AFF4: variants seen among roughly 807,000 people sequenced by gnomAD.
AFF4 encodes AF4/FMR2 family member 4.
In AFF4, 13 loss-of-function variants were observed where a neutral mutation model predicts 124.8. That is an observed-to-expected ratio of 0.10 (90% CI 0.07 to 0.17). The LOEUF is 0.17. AFF4 is among the 10% of genes least tolerant of loss of function. The pLI is 1.00. For missense variants in AFF4, 1,092 were observed against 1,403.8 expected (o/e 0.78, Z 3.55); for synonymous variants, 477 against 496.1 (o/e 0.96, Z 0.51).
intron 13 of AFF4, among the ~76,000 whole-genome samples, chr5:132,891,653 G>A (rs1046832525): frequency 1.3e-5 from 2 of 152,078 alleles, no homozygotes; most frequent in African/African-American, 2.4e-5. Flanking sequence ...GTCACTTTAC[G>A]TAATATAACT....
intron 1 of AFF4, among the ~76,000 whole-genome samples, chr5:132,956,539 G>A (rs1761961184): frequency 6.6e-6 from 1 of 150,628 alleles, no homozygotes; most frequent in Admixed American, 6.6e-5. Flanking sequence ...GCTGAAGCAG[G>A]GAGAATCACT....
chr5:132,883,282 T>G, intron 20 of AFF4, 58 bp downstream of exon 20: 2 of 1,511,444 alleles, frequency 1.3e-6, no homozygotes, highest in Non-Finnish European at 1.8e-6. Flanking sequence ...CTTAACTAAA[T>G]TATAAAAGTT....
At chr5:132,943,694 T>C (rs954466970) in intron 1 of AFF4, 2 of 252,906 alleles carry the variant, frequency 7.9e-6, no homozygotes, top group Non-Finnish European at 1.7e-5. Context: ...ATCAAGAACG[T>C]ATCTGTCAAA....
Position 132,902,462 on chromosome 5 carries a change from T to G in AFF4, c.1113A>C (p.Ser371=). Residue 371 remains serine (S), a synonymous_variant, in exon 7 of 21, where the codon TCA becomes TCC. Coordinates refer to ENST00000265343, the MANE Select transcript of AFF4 (RefSeq NM_014423.4). ...CTTACGATTTAGACTGGTGCCCATTTGAAGTTTTAGAAGGATTATATCTTT... is the reference window on the plus strand; with the variant it reads ...CTTACGATTTAGACTGGTGCCCATTGGAAGTTTTAGAAGGATTATATCTTT... ...EQKRYNPSKT[S]NGHQSKSMLK... 1 of 1,609,482 alleles carries G rather than the reference T, an allele frequency of 6.2e-7. No homozygotes were observed. Among genetic ancestry groups the G allele is most frequent in the Non-Finnish European group, 8.5e-7 (1 of 1,175,960 alleles).
Position 132,880,184 on chromosome 5 carries a change from T to A in AFF4, c.*875A>T. 1 of 398,942 alleles carries A rather than the reference T, an allele frequency of 2.5e-6. No individual in the cohort carries two copies. The highest frequency in any genetic ancestry group is 4.4e-6 in the Non-Finnish European group (1 of 225,988). 24.7% of individuals were successfully genotyped at this position (398,942 alleles called of 1,614,324 possible). On this transcript the variant is annotated 3_prime_UTR_variant, in exon 21 of 21. Coordinates refer to ENST00000265343, the MANE Select transcript of AFF4 (RefSeq NM_014423.4). ...TATTCTGTTTCGATTAAGTGTCAAA[T>A]GATTAGCAACAAAAAATAACATATG...
chr5:132,881,005 G>A lies in AFF4; in HGVS notation c.*54C>T, dbSNP rs990466012. 13 of 1,572,864 alleles carry A rather than the reference G, an allele frequency of 8.3e-6. No homozygotes were observed. The highest frequency in any genetic ancestry group is 1.7e-4 in the Middle Eastern group (1 of 5,862). Reference sequence around the variant, plus strand: ...TGGTATGTTATGGCAGTTTTCCTTCGTGATGTGACACAGTGTTGTGGAGAA... The same window carrying A: ...TGGTATGTTATGGCAGTTTTCCTTCATGATGTGACACAGTGTTGTGGAGAA... On this transcript the variant is annotated 3_prime_UTR_variant, in exon 21 of 21. Transcript: ENST00000265343.
intron 4 of AFF4, among the ~76,000 whole-genome samples, chr5:132,929,802 AT>A (rs1761259705): frequency 6.6e-6 from 1 of 152,318 alleles, no homozygotes; most frequent in East Asian, 1.9e-4. Context: ...GGAAAAATTA[AT>A]TTATGAAGAC....
rs866640008 is a variant in AFF4, at chr5:132,875,969, C to G, written c.*5090G>C. ...GTGACATTATCTCCCCTCCAAAACCCTCCCCAAATATCAAACAATTATATA... is the reference window on the plus strand; with the variant it reads ...GTGACATTATCTCCCCTCCAAAACCGTCCCCAAATATCAAACAATTATATA... On this transcript the variant is annotated 3_prime_UTR_variant, in exon 21 of 21. Transcript: ENST00000265343. 8 of 226,564 alleles carry G rather than the reference C, an allele frequency of 3.5e-5. No individual in the cohort carries two copies. Among genetic ancestry groups the G allele is most frequent in the African/African-American group, 1.8e-4 (8 of 44,962 alleles). 14.0% of individuals were successfully genotyped at this position (226,564 alleles called of 1,614,324 possible).
At chr5:132,953,856 C>A (rs1034148379) in intron 1 of AFF4, among the ~76,000 whole-genome samples, 1 of 152,176 alleles carries the variant, frequency 6.6e-6, no homozygotes, top group African/African-American at 2.4e-5. Context: ...CTACTTCCCT[C>A]GGTCTCTCTT....
Position 132,934,676 on chromosome 5 carries a change from C to A in AFF4, c.389G>T (p.Gly130Val), listed in dbSNP as rs747817299. The change falls in exon 3 of 21, where the codon GGA (glycine) becomes GTA (valine). Residue 130 changes from glycine to valine, a missense_variant. Physicochemically the swap from Gly to Val is moderately radical, Grantham distance 109. Transcript: ENST00000265343. ...SQKRSSGLQSGHSSQRTSAGS... is the reference protein window; with the variant it reads ...SQKRSSGLQSVHSSQRTSAGS... ...TGCGCTGGTCCGCTGGCTACTATGT[C>A]CACTCTGTAAGCCTGAGGACCGTTT... The A allele has an allele frequency of 6.2e-7, 1 of 1,614,132 alleles. No homozygotes were observed. The highest frequency in any genetic ancestry group is 1.1e-5 in the South Asian group (1 of 91,088).
At position 132,963,507 on chromosome 5, in the gene AFF4, G is replaced by C; in HGVS notation, c.-253C>G. ...GCCCCGCACCGCTCCATGACGGTCG[G>C]GCCCGGGCTGGGACAGCTGACTGAG... On this transcript the variant is annotated 5_prime_UTR_variant, in exon 1 of 21. Transcript: ENST00000265343. 2.5e-6 allele frequency: 1 copy of C among 397,984 alleles called. No individual in the cohort carries two copies. Among genetic ancestry groups the C allele is most frequent in the Non-Finnish European group, 4.4e-6 (1 of 225,630 alleles). The allele number at this position is 397,984 out of a possible 1,614,324, so 24.7% of individuals were successfully genotyped here.
chr5:132,880,537 T>C lies in AFF4; in HGVS notation c.*522A>G, dbSNP rs146862909. 2.5e-6 allele frequency: 1 copy of C among 393,242 alleles called. No individual in the cohort carries two copies. The highest frequency in any genetic ancestry group is 2.1e-5 in the African/African-American group (1 of 48,616). The allele number at this position is 393,242 out of a possible 1,614,324, so 24.4% of individuals were successfully genotyped here. Reference sequence around the variant, plus strand: ...TTAAGATTTCAAATATCAGGTCAGGTAGCAGGTGTAGAAAGAATATGTCCT... The same window carrying C: ...TTAAGATTTCAAATATCAGGTCAGGCAGCAGGTGTAGAAAGAATATGTCCT... On this transcript the variant is annotated 3_prime_UTR_variant, in exon 21 of 21. Transcript: ENST00000265343.
At position 132,875,581 on chromosome 5, in the gene AFF4, T is replaced by G. The variant is rs1759819324; in HGVS notation, c.*5478A>C. The G allele has an allele frequency of 5.2e-6, 1 of 193,394 alleles. No individual in the cohort carries two copies. Among genetic ancestry groups the G allele is most frequent in the South Asian group, 1.9e-4 (1 of 5,202 alleles). 12.0% of individuals were successfully genotyped at this position (193,394 alleles called of 1,614,324 possible). A position where few individuals can be genotyped will look rare whatever the true frequency, so the allele number is the denominator to read the frequency against. On this transcript the variant is annotated 3_prime_UTR_variant, in exon 21 of 21. Coordinates refer to ENST00000265343, the MANE Select transcript of AFF4 (RefSeq NM_014423.4). Reference sequence around the variant, plus strand: ...TTAAAAATACACATTAAACGCATGTTTGACACTCTAAACTTTCTATACTCT... The same window carrying G: ...TTAAAAATACACATTAAACGCATGTGTGACACTCTAAACTTTCTATACTCT...
At chr5:132,882,914 T>G (rs1760020994) in intron 20 of AFF4, among the ~76,000 whole-genome samples, 1 of 150,188 alleles carries the variant, frequency 6.7e-6, no homozygotes, top group African/African-American at 2.4e-5. Context: ...CACAGGTTTC[T>G]TCCAATATAC....
intron 11 of AFF4, among the ~76,000 whole-genome samples, chr5:132,894,541 C>T (rs1446113117): frequency 6.6e-6 from 1 of 152,180 alleles, no homozygotes. Flanking sequence ...TGAATAAAGA[C>T]AGACAAATGA....
rs1759949928 is a variant in AFF4, at chr5:132,880,586, C to T, written c.*473G>A. ...CTTATTTTAGACGAACCAATTCTTA[C>T]TCTTAGAACAGCTACCACAAAAAGA... On this transcript the variant is annotated 3_prime_UTR_variant, in exon 21 of 21. Coordinates refer to ENST00000265343, the MANE Select transcript of AFF4 (RefSeq NM_014423.4). 1.1e-5 allele frequency: 4 copies of T among 372,322 alleles called. No individual in the cohort carries two copies. Among genetic ancestry groups the T allele is most frequent in the Non-Finnish European group, 1.4e-5 (3 of 209,764 alleles). The allele number at this position is 372,322 out of a possible 1,614,324, so 23.1% of individuals were successfully genotyped here. A position where few individuals can be genotyped will look rare whatever the true frequency, so the allele number is the denominator to read the frequency against.
At chr5:132,891,858 C>T in intron 13 of AFF4, 1 of 468,410 alleles carries the variant, frequency 2.1e-6, no homozygotes, top group Non-Finnish European at 3.8e-6. Flanking sequence ...CACCACATTG[C>T]CCAGGCTGGA....
intron 1 of AFF4, among the ~76,000 whole-genome samples, chr5:132,956,351 C>T (rs1449287408): frequency 1.3e-5 from 2 of 152,098 alleles, no homozygotes; most frequent in Non-Finnish European, 2.9e-5. Context: ...AGTTTCCTGG[C>T]CGGGCCCAGT....
chr5:132,923,439 G>T (rs1475526423), intron 5 of AFF4, among the ~76,000 whole-genome samples: 1 of 152,174 alleles, frequency 6.6e-6, no homozygotes, highest in African/African-American at 2.4e-5. Flanking sequence ...GTGAGTGAGT[G>T]AGTTAGTTTT....
Sources: gnomAD v4.1 joint callset for allele counts (sites outside exome capture counted in the v4.1 genomes callset) on GRCh38, gnomAD v4.1.1 for gene constraint, MANE v1.5 for transcripts, NCBI Gene and HGNC (gene_info 2026-07-23, HGNC 2026-07-21) for gene names.